The following AK7 variants were observed in gnomAD, a reference collection of about 807,000 sequenced individuals.
AK7 encodes ATP-AMP transphosphorylase 7.
Under a neutral mutation model 96.6 loss-of-function variants are expected in AK7, and 78 were observed. The observed-to-expected ratio is 0.81, with a 90% CI of 0.67 to 0.97. AK7 has a LOEUF of 0.97. AK7 is among the 50% of genes least tolerant of loss of function. AK7 has a pLI of 0.00. For missense variants in AK7, 855 were observed against 887.9 expected (o/e 0.96, Z 0.47); for synonymous variants, 302 against 317.2 (o/e 0.95, Z 0.51).
rs567753906 is a variant in AK7 at position 96,486,739 on chromosome 14, A to G, written c.1975-159A>G. Among the ~76,000 whole-genome samples the G allele has an allele frequency of 9.6e-4, 146 of 151,962 alleles. 1 individual carries two copies. The South Asian group carries it at 0.022, about 23-fold the overall frequency. Reference sequence around the variant, plus strand: ...ATTTTCCAAATGGCTAAGTTGTTGTAACACCATTTATGTCTTTTCTCTGCT... The same window carrying G: ...ATTTTCCAAATGGCTAAGTTGTTGTGACACCATTTATGTCTTTTCTCTGCT... On this transcript the variant is annotated intron_variant, in intron 16 of 17. Coordinates refer to ENST00000267584, the MANE Select transcript of AK7 (RefSeq NM_152327.5).
At chr14:96,426,082 A>G (rs1269973391) in intron 5 of AK7, among the ~76,000 whole-genome samples, 1 of 151,940 alleles carries the variant, frequency 6.6e-6, no homozygotes, top group East Asian at 1.9e-4. Flanking sequence ...TTATTGTCTT[A>G]TCTTCCTTCT....
intron 14 of AK7, among the ~76,000 whole-genome samples, chr14:96,476,468 G>A (rs1005361527): frequency 6.1e-5 from 9 of 146,666 alleles, no homozygotes; most frequent in South Asian, 2.1e-4. Context: ...TCGCGCCACC[G>A]CACTCCAGCC....
chr14:96,420,253 T>G (rs942701884), intron 4 of AK7, among the ~76,000 whole-genome samples: 6 of 151,844 alleles, frequency 4.0e-5, no homozygotes, highest in Non-Finnish European at 7.4e-5. Context: ...TCCCAGCACT[T>G]TGGGAGGCTG....
intron 1 of AK7, among the ~76,000 whole-genome samples, chr14:96,393,514 G>T (rs192885205): frequency 6.6e-6 from 1 of 152,274 alleles, no homozygotes; most frequent in East Asian, 1.9e-4. Context: ...ACTGTTGCTT[G>T]CCCCTCTCCT....
At chr14:96,483,328 C>A in intron 16 of AK7, 109 bp downstream of exon 16, 1 of 1,091,542 alleles carries the variant, frequency 9.2e-7, no homozygotes, top group South Asian at 1.6e-5. Context: ...AGGGAAATGT[C>A]ATGGAAATAC....
intron 13 of AK7, among the ~76,000 whole-genome samples, chr14:96,472,157 A>G (rs1162194011): frequency 3.9e-5 from 6 of 152,076 alleles, no homozygotes; most frequent in Admixed American, 3.9e-4. Context: ...GTTGTTGCAT[A>G]TAGCAGAATT....
chr14:96,407,404 T>C (rs1038147740), intron 3 of AK7, among the ~76,000 whole-genome samples: 6 of 152,150 alleles, frequency 3.9e-5, no homozygotes, highest in Non-Finnish European at 7.3e-5. Flanking sequence ...CTTTCTCGTT[T>C]TAGGGTAGAA....
intron 1 of AK7, among the ~76,000 whole-genome samples, chr14:96,393,907 G>A (rs900950297): frequency 1.3e-5 from 2 of 152,008 alleles, no homozygotes; most frequent in Non-Finnish European, 2.9e-5. Context: ...TCAGGAGTTC[G>A]AGACCAGCCT....
rs372680114 is a variant in AK7 at position 96,437,818 on chromosome 14, T to G, written c.610-17T>G. The G allele has an allele frequency of 7.9e-4, 1,251 of 1,584,838 alleles. 4 individuals are homozygous for G. The highest frequency in any genetic ancestry group is 1.0e-3 in the Non-Finnish European group (1,213 of 1,163,828). ...AATATTACATCCAGCTTTTTTTTTCTGTATTTTATCTAATAGGCCAGAAAA... is the reference window on the plus strand; with the variant it reads ...AATATTACATCCAGCTTTTTTTTTCGGTATTTTATCTAATAGGCCAGAAAA... On this transcript the variant is annotated splice_polypyrimidine_tract_variant and intron_variant, in intron 5 of 17. Coordinates refer to ENST00000267584, the MANE Select transcript of AK7 (RefSeq NM_152327.5).
In AK7 at chr14:96,472,703, G is replaced by A. The variant is rs1332112806; in HGVS notation, c.1503G>A (p.Glu501=). Residue 501 remains glutamate, a synonymous_variant, in exon 14 of 18, where the codon GAG becomes GAA. Coordinates refer to ENST00000267584, the MANE Select transcript of AK7 (RefSeq NM_152327.5). ...KDLFNQEDEE[E]EDDVRGRMFP... ...TTTTCTTAGAGGAAGATGAGGAGGA[G>A]GAAGATGATGTCAGAGGCAGAATGT... The A allele has an allele frequency of 6.2e-7, 1 of 1,613,056 alleles. No homozygotes were observed. The highest frequency in any genetic ancestry group is 8.5e-7 in the Non-Finnish European group (1 of 1,179,126).
chr14:96,455,016 A>C (rs1893816179), intron 10 of AK7, among the ~76,000 whole-genome samples: 1 of 151,816 alleles, frequency 6.6e-6, no homozygotes, highest in African/African-American at 2.4e-5. Flanking sequence ...AATACCAAAA[A>C]ATTAGCTGGG....
chr14:96,439,837 C>A (rs1213027363), intron 6 of AK7, among the ~76,000 whole-genome samples: 1 of 151,814 alleles, frequency 6.6e-6, no homozygotes, highest in African/African-American at 2.4e-5. Flanking sequence ...GAATTGAAGA[C>A]AATGAGAACA....
intron 5 of AK7, among the ~76,000 whole-genome samples, chr14:96,430,085 T>C (rs2140064615): frequency 6.6e-6 from 1 of 152,294 alleles, no homozygotes; most frequent in African/African-American, 2.4e-5. Flanking sequence ...TTCAGTATGA[T>C]ATTGGCTGTG....
Position 96,420,817 on chromosome 14 carries a change from A to G in AK7, c.499-5A>G, listed in dbSNP as rs769558564. 13 of 1,597,074 alleles carry G rather than the reference A, an allele frequency of 8.1e-6. No individual in the cohort carries two copies. In the African/African-American group the frequency reaches 1.7e-4, roughly 21 times the overall value. ...TCTGTACCTTTTCTTTCTTTCTTAT[A>G]ATAGGAGGATTCTGAGGTTCCATTC... On this transcript the variant is annotated splice_polypyrimidine_tract_variant and splice_region_variant and intron_variant, in intron 4 of 17. Transcript: ENST00000267584.
intron 12 of AK7, among the ~76,000 whole-genome samples, chr14:96,461,580 C>CTTTATTTA (rs996866844): frequency 6.6e-6 from 1 of 151,966 alleles, no homozygotes; most frequent in Non-Finnish European, 1.5e-5. Flanking sequence ...AAACATTGAA[C>CTTTATTTA]TTTATTTATT....
chr14:96,412,164 T>C (rs1595380635), intron 4 of AK7, among the ~76,000 whole-genome samples: 1 of 152,056 alleles, frequency 6.6e-6, no homozygotes, highest in East Asian at 1.9e-4. Flanking sequence ...AAGATAGACT[T>C]GGGATGGGAA....
intron 12 of AK7, among the ~76,000 whole-genome samples, chr14:96,459,611 T>G (rs947478974): frequency 6.6e-6 from 1 of 151,464 alleles, no homozygotes; most frequent in Non-Finnish European, 1.5e-5. Flanking sequence ...TGTAATCCCT[T>G]TGTAATCCCT....
At chr14:96,392,589 A>G (rs1217540607) in intron 1 of AK7, among the ~76,000 whole-genome samples, 1 of 152,242 alleles carries the variant, frequency 6.6e-6, no homozygotes, top group Non-Finnish European at 1.5e-5. Context: ...CAGAGACTCC[A>G]GGTCTCTTGC....
rs1895925674 is a variant in AK7 at position 96,488,963 on chromosome 14, CTT to C, written c.*622_*623del. ...ATCTGCATAACAGGATAATTCCAATCTTTGTGATAAGTGAGAAGTTGCTAAAT... is the reference window on the plus strand; with the variant it reads ...ATCTGCATAACAGGATAATTCCAATCTGTGATAAGTGAGAAGTTGCTAAAT... On this transcript the variant is annotated 3_prime_UTR_variant, in exon 18 of 18. Coordinates refer to ENST00000267584, the MANE Select transcript of AK7 (RefSeq NM_152327.5). 1 of 151,538 alleles carries C rather than the reference CTT, an allele frequency of 6.6e-6. No homozygotes were observed. The highest frequency in any genetic ancestry group is 1.5e-5 in the Non-Finnish European group (1 of 67,980). 9.4% of individuals were successfully genotyped at this position (151,538 alleles called of 1,614,324 possible). A position where few individuals can be genotyped will look rare whatever the true frequency, so the allele number is the denominator to read the frequency against.
Sources: allele counts gnomAD v4.1 joint callset (sites outside exome capture counted in the v4.1 genomes callset), GRCh38; gene constraint gnomAD v4.1.1; transcripts MANE v1.5; gene names NCBI Gene and HGNC (gene_info 2026-07-23, HGNC 2026-07-21).